The following ITGA8 variants were observed in gnomAD, a reference collection of about 807,000 sequenced individuals.
ITGA8 encodes integrin alpha-8.
ITGA8 carries 91 observed loss-of-function variants against 142.3 expected under a neutral mutation model. The ratio of observed to expected loss-of-function variants is 0.64; its 90% CI spans 0.54 to 0.76. ITGA8 has a LOEUF of 0.76. Ranked by LOEUF, ITGA8 falls within the 30% of genes least tolerant of loss-of-function variation. ITGA8 has a pLI of 0.00. For synonymous variants in ITGA8, 505 were observed against 485.2 expected (o/e 1.04, Z -0.54); for missense variants, 1,406 against 1,327.7 (o/e 1.06, Z -0.92).
At chr10:15,650,993 A>T (rs1411280639) in intron 11 of ITGA8, among the ~76,000 whole-genome samples, 3 of 152,194 alleles carry the variant, frequency 2.0e-5, no homozygotes, top group African/African-American at 7.2e-5. Flanking sequence ...GCATAAAAAT[A>T]TAGCTCCCTA....
At chr10:15,702,884 T>G (rs1835191192) in intron 2 of ITGA8, among the ~76,000 whole-genome samples, 1 of 152,184 alleles carries the variant, frequency 6.6e-6, no homozygotes, top group Non-Finnish European at 1.5e-5. Flanking sequence ...GAGAACTGTA[T>G]AAGGTAGCAA....
chr10:15,604,451 G>A (rs1425340222), intron 19 of ITGA8, 96 bp from the exon 20 acceptor site: 3 of 990,848 alleles, frequency 3.0e-6, no homozygotes, highest in East Asian at 2.6e-5. Context: ...AAGAAAAATG[G>A]CAAGTGCAAA....
chr10:15,549,885 G>A (rs1408413148), intron 26 of ITGA8, among the ~76,000 whole-genome samples: 1 of 152,194 alleles, frequency 6.6e-6, no homozygotes, highest in Non-Finnish European at 1.5e-5. Flanking sequence ...AAATTGCGGT[G>A]AAGTTCATTT....
chr10:15,605,928 C>A, intron 18 of ITGA8, 137 bp from the exon 19 acceptor site: 2 of 722,370 alleles, frequency 2.8e-6, no homozygotes, highest in South Asian at 3.5e-5. Flanking sequence ...AAGCCAATAG[C>A]CTACATTTCA....
At chr10:15,602,737 C>CAA (rs10667953) in intron 20 of ITGA8, among the ~76,000 whole-genome samples, 34,412 of 148,554 alleles carry the variant, frequency 0.23, 4,657 homozygotes, top group Non-Finnish European at 0.31. Flanking sequence ...GACCCTGTCT[C>CAA]AAAAAAAAAA....
At chr10:15,629,478 C>G (rs1400168733) in intron 13 of ITGA8, among the ~76,000 whole-genome samples, 2 of 151,942 alleles carry the variant, frequency 1.3e-5, no homozygotes, top group Non-Finnish European at 2.9e-5. Flanking sequence ...TTTCCTCTGC[C>G]CCACTTGTCT....
intron 25 of ITGA8, among the ~76,000 whole-genome samples, chr10:15,559,502 G>A (rs1011456834): frequency 2.6e-5 from 4 of 152,160 alleles, no homozygotes; most frequent in Non-Finnish European, 4.4e-5. Context: ...GCTAAGGCAG[G>A]GAGATCAGAT....
chr10:15,639,377 G>A (rs1833829286), intron 13 of ITGA8, among the ~76,000 whole-genome samples: 1 of 152,156 alleles, frequency 6.6e-6, no homozygotes, highest in African/African-American at 2.4e-5. Flanking sequence ...CTCAAAGTGG[G>A]GTGCTGCGTA....
At chr10:15,569,244 G>C (rs1382481582) in intron 25 of ITGA8, among the ~76,000 whole-genome samples, 1 of 152,202 alleles carries the variant, frequency 6.6e-6, no homozygotes, top group Non-Finnish European at 1.5e-5. Context: ...GCTTTAGAAA[G>C]CTGGGGAGAG....
chr10:15,640,443 C>G (rs1267434300), intron 13 of ITGA8, among the ~76,000 whole-genome samples: 2 of 152,134 alleles, frequency 1.3e-5, no homozygotes, highest in Non-Finnish European at 2.9e-5. Flanking sequence ...AAGCAGGACC[C>G]CAGAGTGAAA....
chr10:15,668,727 T>C (rs1834447736), intron 8 of ITGA8, among the ~76,000 whole-genome samples: 2 of 152,158 alleles, frequency 1.3e-5, no homozygotes, highest in Non-Finnish European at 2.9e-5. Flanking sequence ...GGTGACAAAA[T>C]CTCTCAGCAT....
chr10:15,713,786 A>AC (rs1218365540), intron 2 of ITGA8, among the ~76,000 whole-genome samples: 2 of 152,192 alleles, frequency 1.3e-5, no homozygotes, highest in African/African-American at 4.8e-5. Flanking sequence ...CGCAATTCCA[A>AC]CAAAAACCTT....
intron 11 of ITGA8, among the ~76,000 whole-genome samples, chr10:15,654,645 T>A (rs1407549330): frequency 6.6e-6 from 1 of 152,202 alleles, no homozygotes; most frequent in East Asian, 1.9e-4. Context: ...AAATGTGAGA[T>A]CCCTGAGAGA....
intron 25 of ITGA8, among the ~76,000 whole-genome samples, chr10:15,565,566 T>C (rs1174971164): frequency 6.9e-6 from 1 of 145,194 alleles, no homozygotes; most frequent in Non-Finnish European, 1.5e-5. Flanking sequence ...CTTCCTTTCA[T>C]GTCCTGATTT....
At chr10:15,661,539 C>T (rs9333106) in intron 8 of ITGA8, among the ~76,000 whole-genome samples, 1 of 152,168 alleles carries the variant, frequency 6.6e-6, no homozygotes, top group African/African-American at 2.4e-5. Flanking sequence ...TACTTTATGT[C>T]TTCATTACGA....
At chr10:15,602,369 A>C (rs1184349953) in intron 20 of ITGA8, among the ~76,000 whole-genome samples, 1 of 152,214 alleles carries the variant, frequency 6.6e-6, no homozygotes, top group African/African-American at 2.4e-5. Flanking sequence ...AGTTGTGTGT[A>C]TAATTACTTC....
intron 12 of ITGA8, 74 bp from the exon 13 acceptor site, chr10:15,644,295 C>A (rs913693151): frequency 2.7e-5 from 37 of 1,378,910 alleles, no homozygotes; most frequent in Non-Finnish European, 3.6e-5. Flanking sequence ...AGAGACAGGA[C>A]CTTACTCTGT....
At chr10:15,697,066 C>CACACACACAG (rs537639495) in intron 2 of ITGA8, among the ~76,000 whole-genome samples, 3 of 151,388 alleles carry the variant, frequency 2.0e-5, no homozygotes, top group African/African-American at 7.3e-5. Context: ...CACACACACA[C>CACACACACAG]AAGAAATAGT....
At chr10:15,671,452 G>A (rs998035458) in intron 8 of ITGA8, 151 bp downstream of exon 8, 6 of 588,850 alleles carry the variant, frequency 1.0e-5, no homozygotes, top group Non-Finnish European at 1.8e-5. Flanking sequence ...CTGTATCAAA[G>A]TATTTTTTCT....
Sources: gnomAD v4.1 joint callset for allele counts (sites outside exome capture counted in the v4.1 genomes callset) on GRCh38, gnomAD v4.1.1 for gene constraint, MANE v1.5 for transcripts, NCBI Gene and HGNC (gene_info 2026-07-23, HGNC 2026-07-21) for gene names.